Variants in MME observed in about 807,000 individuals in gnomAD.
MME encodes neprilysin.
In MME, 98 loss-of-function variants were observed where a neutral mutation model predicts 113.2. The observed-to-expected ratio is 0.87, with a 90% CI of 0.74 to 1.02. The LOEUF is 1.02. MME is among the 50% of genes least tolerant of loss of function. The pLI, the probability that MME is intolerant of heterozygous loss-of-function variation, is 0.00. For synonymous variants in MME, 292 were observed against 300.6 expected (o/e 0.97, Z 0.30); for missense variants, 836 against 896.0 (o/e 0.93, Z 0.86).
chr3:155,178,015 C>T (rs746104330), intron 22 of MME, among the ~76,000 whole-genome samples: 3 of 152,168 alleles, frequency 2.0e-5, no homozygotes, highest in African/African-American at 7.2e-5. Context: ...AACAACCACA[C>T]GCCATGCTAT....
chr3:155,128,996 C>A (rs1327858356), intron 8 of MME, among the ~76,000 whole-genome samples: 1 of 152,126 alleles, frequency 6.6e-6, no homozygotes, highest in Non-Finnish European at 1.5e-5. Flanking sequence ...CCAGTTACTT[C>A]TTTGCTAAAC....
chr3:155,070,671 T>G lies in MME; in HGVS notation c.-10-13487T>G, dbSNP rs541935461. 2.0e-5 allele frequency among the ~76,000 whole-genome samples: 3 copies of G among 152,300 alleles called. No individual in the cohort carries two copies. In the South Asian group the frequency reaches 6.2e-4, roughly 32 times the overall value. ...CACCTGGCACTTTTCCTGGAAGCAT[T>G]AAGGATCCAAGAGAAGTTGGGAATT... On this transcript the variant is annotated intron_variant, in intron 1 of 22. Coordinates refer to the MME transcript ENST00000492661.
intron 18 of MME, among the ~76,000 whole-genome samples, chr3:155,167,336 C>CAT (rs1723176328): frequency 1.3e-5 from 2 of 152,072 alleles, no homozygotes; most frequent in Admixed American, 6.6e-5. Flanking sequence ...CGTATCTTGT[C>CAT]ATACTCTTAA....
chr3:155,167,533 T>A (rs1428562965), intron 18 of MME, among the ~76,000 whole-genome samples: 1 of 152,098 alleles, frequency 6.6e-6, no homozygotes, highest in Non-Finnish European at 1.5e-5. Flanking sequence ...AAAATCAATT[T>A]AGAGTTTCAA....
intron 17 of MME, among the ~76,000 whole-genome samples, chr3:155,162,186 C>T (rs1722766683): frequency 6.6e-6 from 1 of 152,170 alleles, no homozygotes; most frequent in South Asian, 2.1e-4. Flanking sequence ...AGTAGGACCA[C>T]TCTGGCATGT....
At chr3:155,081,476 C>T (rs1715139138) in intron 1 of MME, 1 of 152,200 alleles carries the variant, frequency 6.6e-6, no homozygotes, top group Non-Finnish European at 1.5e-5. Flanking sequence ...TCCTAATTCT[C>T]TATTCTCGTC....
intron 1 of MME, among the ~76,000 whole-genome samples, chr3:155,071,459 AT>A (rs1415146786): frequency 6.6e-6 from 1 of 152,162 alleles, no homozygotes; most frequent in Non-Finnish European, 1.5e-5. Flanking sequence ...TCAAATAATC[AT>A]TTGGTAATTA....
intron 8 of MME, among the ~76,000 whole-genome samples, chr3:155,127,447 G>A (rs181941083): frequency 1.1e-4 from 17 of 152,342 alleles, no homozygotes; most frequent in East Asian, 7.7e-4. Context: ...TGTAAATGGC[G>A]CAGAACTTGC....
At chr3:155,081,895 A>G (rs1404561661) in intron 1 of MME, 3 of 152,214 alleles carry the variant, frequency 2.0e-5, no homozygotes, top group Non-Finnish European at 4.4e-5. Flanking sequence ...GACTTCCTTT[A>G]AGAATTTACA....
chr3:155,084,769 T>G lies in MME; in HGVS notation c.161-290T>G, dbSNP rs1715512357. Among the ~76,000 whole-genome samples the G allele has an allele frequency of 2.0e-5, 3 of 152,170 alleles. No homozygotes were observed. The South Asian group carries it at 6.2e-4, about 32-fold the overall frequency. ...GATTGTTTAATGGTTAAAAAAATGA[T>G]TACCAAGCAAAAACAACTGATTATT... is the stretch of plus-strand genomic sequence containing the variant. On this transcript the variant is annotated intron_variant, in intron 2 of 22. Coordinates refer to ENST00000360490, the MANE Select transcript of MME (RefSeq NM_007289.4).
chr3:155,076,080 A>G (rs1199000610), upstream of MME, among the ~76,000 whole-genome samples: 1 of 152,092 alleles, frequency 6.6e-6, no homozygotes, highest in African/African-American at 2.4e-5. Context: ...AAGTTTTTCA[A>G]TTTTTATTTT....
chr3:155,070,499 T>G (rs1714515920), intron 1 of MME, among the ~76,000 whole-genome samples: 1 of 152,188 alleles, frequency 6.6e-6, no homozygotes, highest in East Asian at 1.9e-4. Flanking sequence ...GTAAGAATGC[T>G]TGTGGTAAGA....
At chr3:155,044,085 C>CT (rs772668953) in intron 1 of MME, among the ~76,000 whole-genome samples, 8 of 135,672 alleles carry the variant, frequency 5.9e-5, no homozygotes, top group Non-Finnish European at 1.1e-4. Context: ...AAGTATTTCT[C>CT]TTTTATAACT....
intron 1 of MME, chr3:155,081,726 C>T (rs1482412059): frequency 6.6e-6 from 1 of 151,842 alleles, no homozygotes. Flanking sequence ...TCATATGTTC[C>T]ACAGTGAGAT....
At position 155,180,455 on chromosome 3, in the gene MME, GGTGAT is replaced by G. The variant is rs1255642751; in HGVS notation, c.2250_*1del. On this transcript the variant is annotated stop_lost and 3_prime_UTR_variant, in exon 23 of 23. Transcript: ENST00000360490. The stretch of plus-strand genomic sequence containing the variant: ...AATCCAGAAAAGAAGTGCCGGGTTT[GGTGAT>G]CTTCAAAAGAAGCATTGCAGCCCTT... 6.2e-7 allele frequency: 1 copy of G among 1,612,400 alleles called. No homozygotes were observed. Among genetic ancestry groups the G allele is most frequent in the South Asian group, 1.1e-5 (1 of 91,046 alleles).
At chr3:155,026,069 G>A (rs933624149) in intron 1 of MME, among the ~76,000 whole-genome samples, 3 of 152,024 alleles carry the variant, frequency 2.0e-5, no homozygotes, top group African/African-American at 7.2e-5. Context: ...TTTTGCCAGT[G>A]TAGCCATGGA....
intron 3 of MME, among the ~76,000 whole-genome samples, chr3:155,101,542 A>G (rs61763219): frequency 0.014 from 2,095 of 152,148 alleles, 41 homozygotes; most frequent in African/African-American, 0.047. Context: ...GCCTTCTCCC[A>G]TAGGGATTTC....
intron 11 of MME, 43 bp downstream of exon 11, chr3:155,142,170 A>G (rs748614841): frequency 1.9e-6 from 3 of 1,613,212 alleles, no homozygotes; most frequent in Admixed American, 3.3e-5. Flanking sequence ...TTTGCATTTC[A>G]TATCACTCTT....
Position 155,143,455 on chromosome 3 carries a change from A to G in MME, c.1201A>G (p.Thr401Ala), listed in dbSNP as rs1321182540. The change falls in exon 13 of 23, where the codon ACA becomes GCA. Residue 401 changes from threonine (T) to alanine (A), a missense_variant. Transcript: ENST00000360490. ...RNAFRKALYGTTSETATWRRC... is the reference protein window; with the variant it reads ...RNAFRKALYGATSETATWRRC... ...TTCTTTTCCGTAGGCCCTTTATGGT[A>G]CAACCTCAGAAACAGCAACTTGGAG... 1.2e-6 allele frequency: 2 copies of G among 1,612,320 alleles called. No individual in the cohort carries two copies. Among genetic ancestry groups the G allele is most frequent in the African/African-American group, 1.3e-5 (1 of 74,976 alleles).
Sources: gnomAD v4.1 joint callset for allele counts (sites outside exome capture counted in the v4.1 genomes callset) on GRCh38, gnomAD v4.1.1 for gene constraint, MANE v1.5 for transcripts, NCBI Gene and HGNC (gene_info 2026-07-23, HGNC 2026-07-21) for gene names.